Variants in PRR16 observed in about 807,000 individuals in gnomAD.
PRR16 encodes the protein protein Largen.
In PRR16, 6 loss-of-function variants were observed where a neutral mutation model predicts 18.2. The ratio of observed to expected loss-of-function variants is 0.33; its 90% CI spans 0.18 to 0.65. PRR16 has a LOEUF of 0.65. Ranked by LOEUF, PRR16 falls within the 30% of genes least tolerant of loss-of-function variation. The probability of loss-of-function intolerance (pLI) is 0.74; values close to 1 mark genes in which losing one functional copy is unlikely to be tolerated. For missense variants in PRR16, 412 were observed against 376.6 expected, an observed-to-expected ratio of 1.09 and a Z score of -0.78; for synonymous variants, 151 against 147.8, an observed-to-expected ratio of 1.02 and a Z score of -0.16.
intron 1 of PRR16, among the ~76,000 whole-genome samples, chr5:120,673,883 A>G (rs1394737238): frequency 1.3e-5 from 2 of 151,814 alleles, no homozygotes; most frequent in Non-Finnish European, 2.9e-5. Context: ...TCACCCTAGG[A>G]GGCGGTGGCT....
rs182593107 is a variant in PRR16, at chr5:120,569,895, G to A, written c.159+105250G>A. ...TAAAATTAGGGATAAAATGAAATAA[G>A]TAACATAATCTCTGCTTAAAGAAAA... On this transcript the variant is annotated intron_variant, in intron 1 of 1. Transcript: ENST00000407149. Among the ~76,000 whole-genome samples the A allele has an allele frequency of 1.8e-3, 276 of 152,174 alleles. 1 individual carries two copies. Among genetic ancestry groups the A allele is most frequent in the African/African-American group, 6.3e-3 (262 of 41,534 alleles).
the PRR16 span, among the ~76,000 whole-genome samples, chr5:120,765,392 G>A: frequency 6.6e-6 from 1 of 151,956 alleles, no homozygotes; most frequent in Non-Finnish European, 1.5e-5. Flanking sequence ...CTGTGACAGT[G>A]GTGAAAAGCT....
intron 1 of PRR16, among the ~76,000 whole-genome samples, chr5:120,653,697 A>C (rs7715028): frequency 0.11 from 16,303 of 152,020 alleles, 2,598 homozygotes; most frequent in African/African-American, 0.34. Flanking sequence ...ACATTAAAAA[A>C]AAATAGAACA....
chr5:120,625,714 G>T (rs1345404627), intron 1 of PRR16, among the ~76,000 whole-genome samples: 1 of 152,124 alleles, frequency 6.6e-6, no homozygotes, highest in Non-Finnish European at 1.5e-5. Flanking sequence ...TTAATCAAGA[G>T]TGAGGTTTGC....
chr5:120,724,467 G>A, the PRR16 span, among the ~76,000 whole-genome samples: 1 of 152,060 alleles, frequency 6.6e-6, no homozygotes, highest in Non-Finnish European at 1.5e-5. Flanking sequence ...ATTCAGATAA[G>A]CACTTAGAAT....
At chr5:120,698,153 C>A in the PRR16 span, among the ~76,000 whole-genome samples, 2 of 152,088 alleles carry the variant, frequency 1.3e-5, no homozygotes, top group Non-Finnish European at 2.9e-5. Context: ...TTTCTCAGGG[C>A]TGCTTCGAGC....
At chr5:120,648,252 T>C (rs971468668) in intron 1 of PRR16, among the ~76,000 whole-genome samples, 1 of 152,136 alleles carries the variant, frequency 6.6e-6, no homozygotes, top group African/African-American at 2.4e-5. Flanking sequence ...ACAGCTAATA[T>C]TTATTGAGTG....
chr5:120,578,323 G>T (rs1753148323), intron 1 of PRR16, among the ~76,000 whole-genome samples: 1 of 151,988 alleles, frequency 6.6e-6, no homozygotes, highest in South Asian at 2.1e-4. Flanking sequence ...GAACGTGGAG[G>T]TTTGTTACAT....
chr5:120,754,204 TAA>T, the PRR16 span, among the ~76,000 whole-genome samples: 4,585 of 85,992 alleles, frequency 0.053, 160 homozygotes, highest in Middle Eastern at 0.15. Flanking sequence ...TTATATATTA[TAA>T]ATTATATATT....
intron 1 of PRR16, among the ~76,000 whole-genome samples, chr5:120,500,998 A>G (rs908851618): frequency 1.3e-5 from 2 of 152,072 alleles, no homozygotes; most frequent in African/African-American, 4.8e-5. Flanking sequence ...TAAAAAAGGA[A>G]GCGACTATTA....
At chr5:120,744,065 A>G in the PRR16 span, among the ~76,000 whole-genome samples, 1 of 151,942 alleles carries the variant, frequency 6.6e-6, no homozygotes, top group African/African-American at 2.4e-5. Flanking sequence ...CTCACTGTAC[A>G]ATGTACATAA....
At chr5:120,571,689 G>A (rs1378636311) in intron 1 of PRR16, among the ~76,000 whole-genome samples, 1 of 152,144 alleles carries the variant, frequency 6.6e-6, no homozygotes, top group Non-Finnish European at 1.5e-5. Context: ...GGAAGAGTAT[G>A]AGCTGGTTAT....
chr5:120,623,713 A>G (rs1484701489), intron 1 of PRR16, among the ~76,000 whole-genome samples: 1 of 152,136 alleles, frequency 6.6e-6, no homozygotes, highest in Non-Finnish European at 1.5e-5. Context: ...TTAATTTGCC[A>G]TGGATTCATT....
At chr5:120,698,339 A>C in the PRR16 span, among the ~76,000 whole-genome samples, 1 of 151,960 alleles carries the variant, frequency 6.6e-6, no homozygotes, top group Non-Finnish European at 1.5e-5. Flanking sequence ...AGAGAAGAAA[A>C]ACAGGTATAA....
chr5:120,655,912 C>G lies in PRR16; in HGVS notation c.160-30042C>G, dbSNP rs111737621. On this transcript the variant is annotated intron_variant, in intron 1 of 1. Coordinates refer to ENST00000407149, the MANE Select transcript of PRR16 (RefSeq NM_001300783.2). ...TTGGATAGGGATGATAAGACAGGTT[C>G]CAGCCACCAGAAGATCCCTTGAATC... Among the ~76,000 whole-genome samples, 749 of 151,764 alleles carry G rather than the reference C, an allele frequency of 4.9e-3. 1 individual carries two copies. Among genetic ancestry groups the G allele is most frequent in the African/African-American group, 0.017 (718 of 41,442 alleles).
At chr5:120,464,692 T>A in intron 1 of PRR16, 47 bp downstream of exon 1, 2 of 1,466,654 alleles carry the variant, frequency 1.4e-6, no homozygotes, top group Non-Finnish European at 1.8e-6. Flanking sequence ...CTTCGACCCC[T>A]CCGGGGTCCC....
At chr5:120,678,786 C>G (rs543181751) in intron 1 of PRR16, among the ~76,000 whole-genome samples, 62 of 152,170 alleles carry the variant, frequency 4.1e-4, no homozygotes, top group African/African-American at 1.4e-3. Flanking sequence ...ATTTCTTTCT[C>G]TTATCTAATT....
At chr5:120,483,575 T>C (rs1481924954) in intron 1 of PRR16, among the ~76,000 whole-genome samples, 1 of 152,138 alleles carries the variant, frequency 6.6e-6, no homozygotes, top group African/African-American at 2.4e-5. Context: ...AGAGCTAGCA[T>C]TCTATGAAGC....
intron 1 of PRR16, among the ~76,000 whole-genome samples, chr5:120,553,237 T>A (rs2112703121): frequency 6.6e-6 from 1 of 151,970 alleles, no homozygotes; most frequent in East Asian, 1.9e-4. Context: ...TACTAAAAAA[T>A]AAATTAAGGA....
Sources: gnomAD v4.1 joint callset for allele counts (sites outside exome capture counted in the v4.1 genomes callset) on GRCh38, gnomAD v4.1.1 for gene constraint, MANE v1.5 for transcripts, NCBI Gene and HGNC (gene_info 2026-07-23, HGNC 2026-07-21) for gene names.